Variants in ADARB2 observed in about 807,000 individuals in gnomAD.
ADARB2 encodes the protein adenosine deaminase RNA specific B2 (inactive).
Under a neutral mutation model 62.2 loss-of-function variants are expected in ADARB2, and 25 were observed. The ratio of observed to expected loss-of-function variants is 0.40; its 90% CI spans 0.29 to 0.56. The LOEUF (loss-of-function observed/expected upper bound fraction) is 0.56, where lower values mean the gene tolerates loss of function less well. ADARB2 is among the 20% of genes least tolerant of loss of function. The pLI, the probability that ADARB2 is intolerant of heterozygous loss-of-function variation, is 0.43. For missense variants in ADARB2, 1,071 were observed against 1,077.4 expected (o/e 0.99, Z 0.08); for synonymous variants, 572 against 500.8 (o/e 1.14, Z -1.90).
intron 3 of ADARB2, among the ~76,000 whole-genome samples, chr10:1,274,935 G>A (rs955912481): frequency 8.5e-5 from 13 of 152,284 alleles, no homozygotes; most frequent in South Asian, 4.1e-4. Flanking sequence ...AGCTGCGGCC[G>A]GGACACGGGT....
At chr10:1,458,712 G>A (rs1293340025) in intron 1 of ADARB2, among the ~76,000 whole-genome samples, 1 of 152,150 alleles carries the variant, frequency 6.6e-6, no homozygotes. Context: ...AATAACGAGG[G>A]CGGTAGCCAC....
At position 1,613,159 on chromosome 10, in the gene ADARB2, A is replaced by G. The variant is rs542536923; in HGVS notation, c.100+123892T>C. 1.4e-4 allele frequency among the ~76,000 whole-genome samples: 22 copies of G among 152,336 alleles called. No homozygotes were observed. The South Asian group carries it at 2.1e-3, about 14-fold the overall frequency. On this transcript the variant is annotated intron_variant, in intron 1 of 9. Transcript: ENST00000381312. The stretch of plus-strand genomic sequence containing the variant: ...ACTGTTACCCTAACGTCTCCAGAGT[A>G]AGATCTGTGGAAGGAGAAATGTACA...
chr10:1,670,955 T>C (rs938887937), intron 1 of ADARB2, among the ~76,000 whole-genome samples: 3 of 152,192 alleles, frequency 2.0e-5, no homozygotes, highest in African/African-American at 7.2e-5. Flanking sequence ...ATCAGGCTTA[T>C]TACACATCTA....
At chr10:1,575,884 G>A (rs1444394953) in intron 1 of ADARB2, among the ~76,000 whole-genome samples, 1 of 152,180 alleles carries the variant, frequency 6.6e-6, no homozygotes, top group Non-Finnish European at 1.5e-5. Flanking sequence ...AACCCTTCCT[G>A]TCAGAGAGCC....
intron 8 of ADARB2, among the ~76,000 whole-genome samples, chr10:1,190,796 C>T (rs570070952): frequency 5.9e-5 from 9 of 152,360 alleles, no homozygotes; most frequent in African/African-American, 2.2e-4. Context: ...TTCCATCTCA[C>T]GATCCTTAGT....
intron 3 of ADARB2, among the ~76,000 whole-genome samples, chr10:1,340,970 C>T (rs575167599): frequency 2.1e-4 from 31 of 150,648 alleles, no homozygotes; most frequent in African/African-American, 7.3e-4. Flanking sequence ...GAACCACATG[C>T]CCCAAAGCAG....
intron 1 of ADARB2, among the ~76,000 whole-genome samples, chr10:1,462,649 G>A (rs1382434824): frequency 1.3e-5 from 2 of 152,070 alleles, no homozygotes; most frequent in East Asian, 3.9e-4. Context: ...GTGCCTGTGT[G>A]TATGTACATG....
At chr10:1,301,000 G>A (rs1258448235) in intron 3 of ADARB2, among the ~76,000 whole-genome samples, 4 of 152,182 alleles carry the variant, frequency 2.6e-5, no homozygotes, top group Non-Finnish European at 5.9e-5. Flanking sequence ...CCACTCTATT[G>A]CCGGACCGTG....
chr10:1,641,322 T>C (rs1833975798), intron 1 of ADARB2, among the ~76,000 whole-genome samples: 1 of 152,400 alleles, frequency 6.6e-6, no homozygotes, highest in African/African-American at 2.4e-5. Context: ...TGTTTCCACT[T>C]TGACCTGCCA....
At chr10:1,256,977 C>T (rs908703517) in intron 4 of ADARB2, among the ~76,000 whole-genome samples, 8 of 152,298 alleles carry the variant, frequency 5.3e-5, no homozygotes, top group African/African-American at 7.2e-5. Context: ...ATGAAGCCCG[C>T]GCTCATAAAT....
At chr10:1,257,348 G>T (rs1831089076) in intron 4 of ADARB2, among the ~76,000 whole-genome samples, 3 of 152,172 alleles carry the variant, frequency 2.0e-5, no homozygotes, top group African/African-American at 7.2e-5. Flanking sequence ...AGCTTGTCAT[G>T]GACTGGCTCC....
chr10:1,494,755 C>A (rs1162451481), intron 1 of ADARB2, among the ~76,000 whole-genome samples: 1 of 152,108 alleles, frequency 6.6e-6, no homozygotes, highest in East Asian at 1.9e-4. Context: ...CAGGTGGAGC[C>A]AAGGGGTGAG....
intron 1 of ADARB2, among the ~76,000 whole-genome samples, chr10:1,566,188 T>G (rs1275333280): frequency 2.6e-5 from 4 of 151,860 alleles, no homozygotes; most frequent in African/African-American, 9.7e-5. Flanking sequence ...TTACTTCCTG[T>G]GAAGCTTTCA....
At chr10:1,263,032 C>CA (rs1421964383) in intron 4 of ADARB2, among the ~76,000 whole-genome samples, 2 of 146,822 alleles carry the variant, frequency 1.4e-5, no homozygotes, top group Non-Finnish European at 1.5e-5. Context: ...ATCACAAGGA[C>CA]AAAAAACCAA....
intron 8 of ADARB2, among the ~76,000 whole-genome samples, chr10:1,189,383 C>T (rs574521570): frequency 2.6e-4 from 40 of 152,008 alleles, no homozygotes; most frequent in African/African-American, 8.9e-4. Context: ...AAGTGGGTTT[C>T]GAAAGGGTTG....
chr10:1,394,900 C>CCTCCTCCTCCTTCTTCTTCCTCT (rs754767719), intron 1 of ADARB2: 27 of 456,662 alleles, frequency 5.9e-5, no homozygotes, highest in South Asian at 4.2e-4. Flanking sequence ...TTTCTTCCTC[C>CCTCCTCCTCCTTCTTCTTCCTCT]CTCCTCCTCC....
chr10:1,396,264 A>G (rs1050664512), intron 1 of ADARB2, among the ~76,000 whole-genome samples: 2 of 151,974 alleles, frequency 1.3e-5, no homozygotes, highest in East Asian at 1.9e-4. Flanking sequence ...CAGCCTTGAG[A>G]GTGCTGCCGG....
chr10:1,462,247 T>G (rs1349133153), intron 1 of ADARB2, among the ~76,000 whole-genome samples: 1 of 152,052 alleles, frequency 6.6e-6, no homozygotes, highest in Non-Finnish European at 1.5e-5. Context: ...AGCTCCACTG[T>G]TGAAGCCCTT....
chr10:1,459,882 C>T (rs573080758), intron 1 of ADARB2, among the ~76,000 whole-genome samples: 3 of 152,346 alleles, frequency 2.0e-5, no homozygotes, highest in African/African-American at 7.2e-5. Context: ...GTGCATGAGG[C>T]TTAACACCTG....
Sources: allele counts gnomAD v4.1 joint callset (sites outside exome capture counted in the v4.1 genomes callset), GRCh38; gene constraint gnomAD v4.1.1; transcripts MANE v1.5; gene names NCBI Gene and HGNC (gene_info 2026-07-23, HGNC 2026-07-21).